The following CDH13 variants were observed in gnomAD, a reference collection of about 807,000 sequenced individuals.
The protein encoded by CDH13 is cadherin 13, also known as cadherin-13.
CDH13 carries 24 observed loss-of-function variants against 63.8 expected under a neutral mutation model. The ratio of observed to expected loss-of-function variants is 0.38; its 90% CI spans 0.27 to 0.53. The LOEUF is 0.53. Among genes scored for constraint, CDH13 ranks in the 20% least tolerant of loss-of-function variants. The probability of loss-of-function intolerance (pLI) is 0.85; values close to 1 mark genes in which losing one functional copy is unlikely to be tolerated. For synonymous variants in CDH13, 503 were observed against 355.3 expected (o/e 1.42, Z -4.67); for missense variants, 1,049 against 903.1 (o/e 1.16, Z -2.07).
At chr16:83,190,140 A>C (rs1014803659) in intron 4 of CDH13, among the ~76,000 whole-genome samples, 7 of 152,222 alleles carry the variant, frequency 4.6e-5, no homozygotes, top group Admixed American at 6.5e-5. Context: ...GAATACCCCA[A>C]GGAGAATACT....
At chr16:83,565,192 C>T (rs533990133) in intron 7 of CDH13, among the ~76,000 whole-genome samples, 1 of 152,182 alleles carries the variant, frequency 6.6e-6, no homozygotes, top group East Asian at 1.9e-4. Flanking sequence ...CAATTCAGAT[C>T]TCGCCCAAGG....
intron 2 of CDH13, among the ~76,000 whole-genome samples, chr16:82,887,561 C>T (rs1208452458): frequency 2.6e-5 from 4 of 152,180 alleles, no homozygotes; most frequent in African/African-American, 9.7e-5. Flanking sequence ...TGGCTCACGC[C>T]TGTAATCCCA....
chr16:83,528,294 C>G (rs116827920), intron 7 of CDH13, among the ~76,000 whole-genome samples: 1,769 of 152,272 alleles, frequency 0.012, 40 homozygotes, highest in African/African-American at 0.04. Flanking sequence ...TGGTTGATCA[C>G]ATTTTAAATG....
intron 1 of CDH13, among the ~76,000 whole-genome samples, chr16:82,751,653 G>C (rs1042960560): frequency 6.8e-6 from 1 of 147,588 alleles, no homozygotes; most frequent in Non-Finnish European, 1.5e-5. Flanking sequence ...ATATTAAATA[G>C]CAAATAAAAA....
intron 7 of CDH13, among the ~76,000 whole-genome samples, chr16:83,597,945 C>T (rs1292705054): frequency 6.6e-6 from 1 of 152,204 alleles, no homozygotes; most frequent in Non-Finnish European, 1.5e-5. Flanking sequence ...TGACTGTCCT[C>T]AACGCTAAAC....
intron 6 of CDH13, among the ~76,000 whole-genome samples, chr16:83,470,377 A>G (rs964992754): frequency 6.6e-6 from 1 of 152,116 alleles, no homozygotes; most frequent in Non-Finnish European, 1.5e-5. Context: ...CTTCTTGCTC[A>G]TGGCACCATC....
chr16:82,961,972 T>C (rs2151344498), intron 2 of CDH13, among the ~76,000 whole-genome samples: 1 of 152,272 alleles, frequency 6.6e-6, no homozygotes, highest in East Asian at 1.9e-4. Context: ...CCTAGGCTTA[T>C]GGATGCCATG....
chr16:83,272,962 G>C lies in CDH13; in HGVS notation c.636+55465G>C, dbSNP rs572166376. On this transcript the variant is annotated intron_variant, in intron 5 of 13. Transcript: ENST00000567109. ...TCTAATTGTTAATATAGTACAGTGA[G>C]CTCGGTAAGCACAATCTGCTCAGAT... Among the ~76,000 whole-genome samples, 155 of 152,230 alleles carry C rather than the reference G, an allele frequency of 1.0e-3. 2 individuals are homozygous for C. The South Asian group carries it at 0.024, about 23-fold the overall frequency.
At chr16:83,031,902 C>T in intron 2 of CDH13, 108 bp from the exon 3 acceptor site, 1 of 858,754 alleles carries the variant, frequency 1.2e-6, no homozygotes, top group Non-Finnish European at 1.8e-6. Flanking sequence ...TTTGTGAACT[C>T]TGGGTTGGGA....
chr16:83,213,841 C>G (rs2039410272), intron 4 of CDH13, among the ~76,000 whole-genome samples: 1 of 151,920 alleles, frequency 6.6e-6, no homozygotes, highest in Non-Finnish European at 1.5e-5. Flanking sequence ...CACTCTGTAG[C>G]TAGGATTGTA....
chr16:83,502,871 C>G (rs1333871333), intron 7 of CDH13, among the ~76,000 whole-genome samples: 1 of 152,214 alleles, frequency 6.6e-6, no homozygotes, highest in African/African-American at 2.4e-5. Context: ...TCAGGCATCT[C>G]CATCGACAGT....
chr16:83,262,491 G>A (rs1907109917), intron 5 of CDH13, among the ~76,000 whole-genome samples: 1 of 152,112 alleles, frequency 6.6e-6, no homozygotes, highest in Non-Finnish European at 1.5e-5. Flanking sequence ...AGCACCTGGG[G>A]TTTTTCTAAT....
chr16:82,813,750 A>T (rs1018044537), intron 1 of CDH13, among the ~76,000 whole-genome samples: 11 of 152,152 alleles, frequency 7.2e-5, no homozygotes, highest in Non-Finnish European at 1.2e-4. Flanking sequence ...TTGAGTTTAC[A>T]ACTGCCTGAG....
intron 7 of CDH13, among the ~76,000 whole-genome samples, chr16:83,566,791 C>A (rs183707616): frequency 3.3e-4 from 50 of 152,120 alleles, no homozygotes; most frequent in Admixed American, 3.3e-3. Context: ...GTGTTCTTTG[C>A]GTGTTGCTTC....
chr16:82,842,461 G>C (rs1023887454), intron 1 of CDH13, among the ~76,000 whole-genome samples: 1 of 152,042 alleles, frequency 6.6e-6, no homozygotes, highest in South Asian at 2.1e-4. Context: ...ATATAAGAGT[G>C]CACAGGCAAA....
At chr16:83,328,738 C>T (rs1448412561) in intron 5 of CDH13, among the ~76,000 whole-genome samples, 1 of 152,132 alleles carries the variant, frequency 6.6e-6, no homozygotes, top group Non-Finnish European at 1.5e-5. Flanking sequence ...ACCCTGTTAG[C>T]AGGCTTTAGG....
rs1179640415 is a variant in CDH13, at chr16:82,847,401, C to T, written c.46-10961C>T. Among the ~76,000 whole-genome samples the T allele has an allele frequency of 2.6e-5, 4 of 152,156 alleles. No individual in the cohort carries two copies. The East Asian group carries it at 7.7e-4, about 29-fold the overall frequency. ...TTATGCCATCTCCAGTTTCTAGGGG[C>T]CACCCACATTCCTTGACTCCTGGCC... On this transcript the variant is annotated intron_variant, in intron 1 of 13. Transcript: ENST00000567109.
chr16:83,030,074 C>T (rs146898939), intron 2 of CDH13, among the ~76,000 whole-genome samples: 2 of 152,304 alleles, frequency 1.3e-5, no homozygotes, highest in African/African-American at 4.8e-5. Context: ...TCAGCCGTCA[C>T]AGCCTCTGCT....
intron 2 of CDH13, among the ~76,000 whole-genome samples, chr16:82,927,744 T>C (rs532369509): frequency 6.2e-4 from 95 of 152,312 alleles, no homozygotes; most frequent in Middle Eastern, 3.4e-3. Flanking sequence ...TAAGGAACCA[T>C]GCCTGTGTTA....
Sources: gnomAD v4.1 joint callset for allele counts (sites outside exome capture counted in the v4.1 genomes callset) on GRCh38, gnomAD v4.1.1 for gene constraint, MANE v1.5 for transcripts, NCBI Gene and HGNC (gene_info 2026-07-23, HGNC 2026-07-21) for gene names.